Variants in GPATCH2 observed in about 807,000 individuals in gnomAD.
GPATCH2 encodes the protein G patch domain-containing protein 2.
In GPATCH2, 51 loss-of-function variants were observed where a neutral mutation model predicts 58.0. The observed-to-expected ratio is 0.88, with a 90% CI of 0.70 to 1.11. The LOEUF (loss-of-function observed/expected upper bound fraction) is 1.11. GPATCH2 is among the 50% of genes most tolerant of loss of function. GPATCH2 has a pLI of 0.00. For missense variants in GPATCH2, 625 were observed against 652.2 expected, an observed-to-expected ratio of 0.96 and a Z score of 0.45; for synonymous variants, 222 against 218.5, an observed-to-expected ratio of 1.02 and a Z score of -0.14.
intron 5 of GPATCH2, among the ~76,000 whole-genome samples, chr1:217,518,497 C>A (rs1571847284): frequency 6.6e-6 from 1 of 152,252 alleles, no homozygotes; most frequent in African/African-American, 2.4e-5. Context: ...TTTTATGTCT[C>A]ATTTTCATTT....
chr1:217,582,638 A>G (rs1339313655), intron 5 of GPATCH2, among the ~76,000 whole-genome samples: 4 of 152,202 alleles, frequency 2.6e-5, no homozygotes, highest in African/African-American at 9.6e-5. Context: ...TCAAAAGATA[A>G]TGCTTTAAAA....
At chr1:217,444,390 CT>C (rs1293305170) in intron 9 of GPATCH2, among the ~76,000 whole-genome samples, 1 of 152,164 alleles carries the variant, frequency 6.6e-6, no homozygotes, top group African/African-American at 2.4e-5. Flanking sequence ...CCATTTTGGT[CT>C]TGAACATTTC....
intron 5 of GPATCH2, among the ~76,000 whole-genome samples, chr1:217,535,143 T>G (rs914329977): frequency 3.9e-5 from 6 of 152,200 alleles, no homozygotes; most frequent in African/African-American, 1.4e-4. Flanking sequence ...ACCAACAGGC[T>G]TGACATTTCA....
intron 5 of GPATCH2, among the ~76,000 whole-genome samples, chr1:217,601,163 C>A (rs911907790): frequency 1.3e-5 from 2 of 151,896 alleles, no homozygotes; most frequent in African/African-American, 4.8e-5. Context: ...ACCTCTGTAG[C>A]GAAGTTCTTA....
At position 217,565,290 on chromosome 1, in the gene GPATCH2, T is replaced by C. The variant is rs1054467620; in HGVS notation, c.1098+45031A>G. On this transcript the variant is annotated intron_variant, in intron 5 of 9. Transcript: ENST00000366935. ...TAAGGGCAAGTGCATTTATTTATAG[T>C]CAATGTACATTAAGAGAAAAAAAGA... 1.1e-4 allele frequency among the ~76,000 whole-genome samples: 16 copies of C among 152,188 alleles called. 1 individual carries two copies. The highest frequency in any genetic ancestry group is 1.5e-4 in the Non-Finnish European group (10 of 68,020).
rs1442247896 is a variant in GPATCH2 at position 217,620,292 on chromosome 1, T to C, written c.264A>G (p.Leu88=). 6.2e-7 allele frequency: 1 copy of C among 1,613,928 alleles called. No individual in the cohort carries two copies. The highest frequency in any genetic ancestry group is 1.1e-5 in the South Asian group (1 of 91,070). The change falls in exon 2 of 10, where the codon TTA becomes TTG. Residue 88 remains leucine, a synonymous_variant. Transcript: ENST00000366935. ...VHHPWETGHC[L]SEGSDSSLEE... The stretch of plus-strand genomic sequence containing the variant: ...CTAAACTAGAATCAGAGCCTTCACT[T>C]AAGCAGTGACCAGTCTCCCACGGGT...
In GPATCH2 at chr1:217,563,386, C is replaced by G. The variant is rs377713345; in HGVS notation, c.1098+46935G>C. Reference sequence around the variant, plus strand: ...AATGCTGCCTCCTCATGGACTGAGCCAAAATTAATAAAACTGGTTCTATGG... The same window carrying G: ...AATGCTGCCTCCTCATGGACTGAGCGAAAATTAATAAAACTGGTTCTATGG... On this transcript the variant is annotated intron_variant, in intron 5 of 9. Transcript: ENST00000366935. 1.2e-3 allele frequency among the ~76,000 whole-genome samples: 183 copies of G among 152,056 alleles called. 1 individual carries two copies. The highest frequency in any genetic ancestry group is 4.2e-3 in the African/African-American group (174 of 41,466).
At chr1:217,510,024 A>G (rs185135023) in intron 6 of GPATCH2, among the ~76,000 whole-genome samples, 2 of 152,324 alleles carry the variant, frequency 1.3e-5, no homozygotes, top group East Asian at 1.9e-4. Flanking sequence ...GCCTCCTTCC[A>G]GATTTCTGGT....
intron 5 of GPATCH2, among the ~76,000 whole-genome samples, chr1:217,570,650 C>T (rs1056609270): frequency 6.6e-6 from 1 of 152,002 alleles, no homozygotes; most frequent in African/African-American, 2.4e-5. Context: ...AACTAATAAC[C>T]AACAAAGCGA....
intron 8 of GPATCH2, among the ~76,000 whole-genome samples, chr1:217,466,349 G>A (rs564830643): frequency 6.6e-6 from 1 of 151,714 alleles, no homozygotes; most frequent in Non-Finnish European, 1.5e-5. Context: ...TGTACACACA[G>A]TATAACTACC....
At chr1:217,538,001 A>G (rs372214830) in intron 5 of GPATCH2, among the ~76,000 whole-genome samples, 14 of 152,206 alleles carry the variant, frequency 9.2e-5, no homozygotes, top group African/African-American at 2.9e-4. Flanking sequence ...TAGATTGTAT[A>G]AAGATGAAAT....
chr1:217,566,565 G>C (rs548587532), intron 5 of GPATCH2, among the ~76,000 whole-genome samples: 26 of 152,240 alleles, frequency 1.7e-4, no homozygotes, highest in African/African-American at 6.3e-4. Context: ...ATCACATCCA[G>C]TATATGAAAA....
chr1:217,557,535 G>A (rs1032201539), intron 5 of GPATCH2, among the ~76,000 whole-genome samples: 7 of 151,530 alleles, frequency 4.6e-5, no homozygotes, highest in African/African-American at 7.3e-5. Flanking sequence ...GTTGTTCTCC[G>A]ATATTTGTTC....
At chr1:217,563,086 C>T (rs1363323328) in intron 5 of GPATCH2, among the ~76,000 whole-genome samples, 3 of 152,172 alleles carry the variant, frequency 2.0e-5, no homozygotes, top group Non-Finnish European at 4.4e-5. Context: ...TATTTATTCT[C>T]AAATTTAGAC....
chr1:217,586,607 A>T (rs1038155584), intron 5 of GPATCH2, among the ~76,000 whole-genome samples: 5 of 152,194 alleles, frequency 3.3e-5, no homozygotes, highest in African/African-American at 1.2e-4. Flanking sequence ...TTGAAGGAGG[A>T]TACTCTAAAA....
intron 8 of GPATCH2, among the ~76,000 whole-genome samples, chr1:217,486,834 T>C (rs1214904128): frequency 6.6e-6 from 1 of 152,130 alleles, no homozygotes; most frequent in Non-Finnish European, 1.5e-5. Flanking sequence ...CTCTTCTCAC[T>C]CCCAGAGAGG....
chr1:217,488,816 T>C (rs889709190), intron 8 of GPATCH2, among the ~76,000 whole-genome samples: 2 of 151,912 alleles, frequency 1.3e-5, no homozygotes, highest in African/African-American at 4.8e-5. Context: ...CTCAGCTTGC[T>C]GTGTAGCTGG....
At position 217,449,350 on chromosome 1, in the gene GPATCH2, A is replaced by G. The variant is rs375275569; in HGVS notation, c.1278-13T>C. On this transcript the variant is annotated splice_polypyrimidine_tract_variant and intron_variant, in intron 8 of 9. Transcript: ENST00000366935. ...CATGCTTGTTTGCCTACGAATAATT[A>G]TCAGAAAAAACTATTAACAAAGAAG... 29 of 1,485,378 alleles carry G rather than the reference A, an allele frequency of 2.0e-5. No homozygotes were observed. The highest frequency in any genetic ancestry group is 2.6e-5 in the Non-Finnish European group (28 of 1,063,006). 92.0% of individuals were successfully genotyped at this position (1,485,378 alleles called of 1,614,324 possible). A position where few individuals can be genotyped will look rare whatever the true frequency, so the allele number is the denominator to read the frequency against.
At chr1:217,452,917 C>T (rs1378720731) in intron 8 of GPATCH2, among the ~76,000 whole-genome samples, 3 of 152,162 alleles carry the variant, frequency 2.0e-5, no homozygotes, top group Non-Finnish European at 2.9e-5. Flanking sequence ...TGCTACACAG[C>T]ATTGAGAGAT....
Sources: allele counts gnomAD v4.1 joint callset (sites outside exome capture counted in the v4.1 genomes callset), GRCh38; gene constraint gnomAD v4.1.1; transcripts MANE v1.5; gene names NCBI Gene and HGNC (gene_info 2026-07-23, HGNC 2026-07-21).